The following ATXN7 variants were observed in gnomAD, a reference collection of about 807,000 sequenced individuals.
The protein encoded by ATXN7 is ataxin 7.
Under a neutral mutation model 70.5 loss-of-function variants are expected in ATXN7, and 12 were observed. That is an observed-to-expected ratio of 0.17 (90% confidence interval 0.11 to 0.28). The LOEUF (loss-of-function observed/expected upper bound fraction) is 0.28. ATXN7 is among the 10% of genes least tolerant of loss of function. The pLI is 1.00. For missense variants in ATXN7, 1,256 were observed against 1,131.7 expected (o/e 1.11, Z -1.58); for synonymous variants, 498 against 448.7 (o/e 1.11, Z -1.39).
intron 5 of ATXN7, among the ~76,000 whole-genome samples, chr3:63,976,460 CAT>C (rs971239312): frequency 6.6e-6 from 1 of 152,164 alleles, no homozygotes; most frequent in African/African-American, 2.4e-5. Context: ...GAAAAATTCA[CAT>C]GATAGATTGT....
intron 1 of ATXN7, chr3:63,865,189 A>G (rs1702371101): frequency 6.6e-6 from 1 of 152,236 alleles, no homozygotes; most frequent in African/African-American, 2.4e-5. Context: ...TGCAGATGCA[A>G]ATGTATTAAA....
chr3:63,892,407 CA>C (rs1559622011), intron 1 of ATXN7, among the ~76,000 whole-genome samples: 273 of 122,300 alleles, frequency 2.2e-3, no homozygotes, highest in African/African-American at 5.3e-3. Context: ...CACACACACA[CA>C]CACCCGCCAA....
At chr3:63,957,695 C>T (rs2075061604) in intron 5 of ATXN7, among the ~76,000 whole-genome samples, 1 of 152,124 alleles carries the variant, frequency 6.6e-6, no homozygotes, top group Non-Finnish European at 1.5e-5. Context: ...GTTGTCCACA[C>T]AGTAGTGTGA....
At chr3:63,917,008 T>G (rs1049964157) in intron 4 of ATXN7, among the ~76,000 whole-genome samples, 1 of 152,088 alleles carries the variant, frequency 6.6e-6, no homozygotes, top group African/African-American at 2.4e-5. Context: ...CAACTTCCGC[T>G]TCCTGGGTTC....
rs867332506 is a variant in ATXN7, at chr3:63,979,802, A to G, written c.500-113A>G. 3.5e-5 allele frequency: 51 copies of G among 1,437,244 alleles called. No individual in the cohort carries two copies. The Middle Eastern group carries it at 3.7e-3, about 103-fold the overall frequency. 89.0% of individuals were successfully genotyped at this position (1,437,244 alleles called of 1,614,324 possible). On this transcript the variant is annotated intron_variant, in intron 5 of 12. Coordinates refer to ENST00000674280, the MANE Select transcript of ATXN7 (RefSeq NM_001377405.1). ...AGTCTGCTGAGTTTAACATACCTTC[A>G]CTTAACGACACGTGTTTTAACCTGA... is the stretch of plus-strand genomic sequence containing the variant.
At chr3:63,883,065 C>T (rs1702965203) in intron 1 of ATXN7, among the ~76,000 whole-genome samples, 1 of 152,162 alleles carries the variant, frequency 6.6e-6, no homozygotes, top group South Asian at 2.1e-4. Context: ...CTTGTTGAGC[C>T]TTCAGCATTG....
In ATXN7 at chr3:63,999,625, G is replaced by A; in HGVS notation, c.*158G>A. The A allele has an allele frequency of 2.2e-6, 3 of 1,334,160 alleles. No individual in the cohort carries two copies. Among genetic ancestry groups the A allele is most frequent in the Non-Finnish European group, 3.2e-6 (3 of 948,776 alleles). The allele number at this position is 1,334,160 out of a possible 1,614,324, so 82.6% of individuals were successfully genotyped here. ...CCTGCCGGGCTGTTGTTTTAACGAG[G>A]ATTTCCCTGAAGCTATGTCTCTAGC... On this transcript the variant is annotated 3_prime_UTR_variant, in exon 13 of 13. Coordinates refer to ENST00000674280, the MANE Select transcript of ATXN7 (RefSeq NM_001377405.1).
In ATXN7 at chr3:63,947,918, C is replaced by T. The variant is rs550189254; in HGVS notation, c.395-4461C>T. On this transcript the variant is annotated intron_variant, in intron 4 of 12. Coordinates refer to ENST00000674280, the MANE Select transcript of ATXN7 (RefSeq NM_001377405.1). ...GAGCCAAGGAGAGAGAAGTGGGGAA[C>T]GAGGGAACAGAGGATGAGAGGGAAG... 7.2e-5 allele frequency among the ~76,000 whole-genome samples: 11 copies of T among 151,946 alleles called. No individual in the cohort carries two copies. The South Asian group carries it at 2.1e-3, about 29-fold the overall frequency.
intron 5 of ATXN7, among the ~76,000 whole-genome samples, chr3:63,972,757 G>A (rs894732900): frequency 3.3e-5 from 5 of 152,320 alleles, no homozygotes; most frequent in South Asian, 4.1e-4. Flanking sequence ...TATCTTAGAA[G>A]AGGTTGATAT....
rs1265497824 is a variant in ATXN7, at chr3:63,946,475, T to C, written c.395-5904T>C. On this transcript the variant is annotated intron_variant, in intron 4 of 12. Transcript: ENST00000674280. ...TAAGACAGTGAAACCCGTTCTCTAC[T>C]AAAAATACAAAAAGAAAATTAGCCG... 2.6e-5 allele frequency among the ~76,000 whole-genome samples: 4 copies of C among 151,892 alleles called. No homozygotes were observed. In the East Asian group the frequency reaches 7.8e-4, roughly 29 times the overall value.
At chr3:63,987,656 A>G (rs1045250532) in intron 8 of ATXN7, among the ~76,000 whole-genome samples, 2 of 152,170 alleles carry the variant, frequency 1.3e-5, no homozygotes, top group African/African-American at 4.8e-5. Context: ...CTTTACATTA[A>G]CATTCAAAAT....
chr3:63,991,006 T>G, intron 11 of ATXN7, 147 bp downstream of exon 11: 1 of 1,183,866 alleles, frequency 8.4e-7, no homozygotes, highest in Non-Finnish European at 1.2e-6. Context: ...TGTCATTCAT[T>G]CATTCATTTA....
In ATXN7 at chr3:63,954,555, C is replaced by T. The variant is rs182455306; in HGVS notation, c.499+2072C>T. 5.3e-5 allele frequency among the ~76,000 whole-genome samples: 8 copies of T among 152,040 alleles called. No individual in the cohort carries two copies. In the East Asian group the frequency reaches 1.6e-3, roughly 29 times the overall value. ...AGAGTGATGTGACTTAGTGGTGCCCCAGAGAATTGATGGGTAGAGTGGATT... is the reference window on the plus strand; with the variant it reads ...AGAGTGATGTGACTTAGTGGTGCCCTAGAGAATTGATGGGTAGAGTGGATT... On this transcript the variant is annotated intron_variant, in intron 5 of 12. Transcript: ENST00000674280.
At chr3:63,903,537 T>C (rs999879557) in intron 2 of ATXN7, among the ~76,000 whole-genome samples, 2 of 152,178 alleles carry the variant, frequency 1.3e-5, no homozygotes, top group Non-Finnish European at 2.9e-5. Context: ...AACAAAAAGT[T>C]GAAAAGTAAC....
intron 4 of ATXN7, among the ~76,000 whole-genome samples, chr3:63,944,005 C>T (rs1410036408): frequency 6.6e-6 from 1 of 152,150 alleles, no homozygotes; most frequent in African/African-American, 2.4e-5. Flanking sequence ...GCAGTATTGG[C>T]CCTCTGCTGC....
chr3:63,950,615 C>T (rs1423894364), intron 4 of ATXN7, among the ~76,000 whole-genome samples: 2 of 152,042 alleles, frequency 1.3e-5, no homozygotes, highest in Admixed American at 1.3e-4. Context: ...CGGTAAATGA[C>T]TTTAAATTTT....
chr3:63,907,029 G>A (rs571486775), intron 2 of ATXN7, among the ~76,000 whole-genome samples: 61 of 152,326 alleles, frequency 4.0e-4, no homozygotes, highest in Admixed American at 7.8e-4. Context: ...ATAGTATAGC[G>A]TACATAGATT....
intron 1 of ATXN7, among the ~76,000 whole-genome samples, chr3:63,897,806 A>C (rs1000609521): frequency 6.6e-6 from 1 of 152,102 alleles, no homozygotes; most frequent in African/African-American, 2.4e-5. Flanking sequence ...TGACTCCTTA[A>C]CTCATTGCTC....
chr3:63,922,317 T>G (rs1704543742), intron 4 of ATXN7, among the ~76,000 whole-genome samples: 1 of 152,218 alleles, frequency 6.6e-6, no homozygotes, highest in Non-Finnish European at 1.5e-5. Flanking sequence ...GTTGGAATTA[T>G]AGGCATGAGC....
Sources: gnomAD v4.1 joint callset for allele counts (sites outside exome capture counted in the v4.1 genomes callset) on GRCh38, gnomAD v4.1.1 for gene constraint, MANE v1.5 for transcripts, NCBI Gene and HGNC (gene_info 2026-07-23, HGNC 2026-07-21) for gene names.